The following HIVEP3 variants were observed in gnomAD, a reference collection of about 807,000 sequenced individuals.
HIVEP3 encodes the protein transcription factor HIVEP3.
A neutral mutation model predicts 152.8 loss-of-function variants in HIVEP3; 49 were observed. The observed-to-expected ratio is 0.32, with a 90% CI of 0.26 to 0.41. The LOEUF is 0.41. Among genes scored for constraint, HIVEP3 ranks in the 10% least tolerant of loss-of-function variants. The pLI is 1.00. For missense variants in HIVEP3, 2,790 were observed against 3,103.3 expected, an observed-to-expected ratio of 0.90 and a Z score of 2.40; for synonymous variants, 1,269 against 1,289.0, an observed-to-expected ratio of 0.98 and a Z score of 0.33.
intron 1 of HIVEP3, among the ~76,000 whole-genome samples, chr1:41,997,789 G>T (rs57835498): frequency 6.6e-6 from 1 of 152,174 alleles, no homozygotes; most frequent in Non-Finnish European, 1.5e-5. Flanking sequence ...TTCCCATGCT[G>T]TTTGAATTGA....
chr1:41,813,465 C>T lies in HIVEP3; in HGVS notation c.-801+104948G>A, dbSNP rs12127064. 7.3e-3 allele frequency among the ~76,000 whole-genome samples: 1,106 copies of T among 152,352 alleles called. 9 individuals are homozygous for T. Among genetic ancestry groups the T allele is most frequent in the Non-Finnish European group, 0.011 (729 of 68,030 alleles). ...CACACTGGCAAGACCTAGTGACACA[C>T]AGGGTGCCTGAGAGACTGTGCACCC... is the stretch of plus-strand genomic sequence containing the variant. On this transcript the variant is annotated intron_variant, in intron 1 of 8. Transcript: ENST00000372583.
intron 5 of HIVEP3, among the ~76,000 whole-genome samples, chr1:41,525,297 A>AT (rs11383677): frequency 0.46 from 69,234 of 151,926 alleles, 16,448 homozygotes; most frequent in African/African-American, 0.51. Context: ...GATGATAATA[A>AT]AACAGCAGCA....
rs192563882 is a variant in HIVEP3, at chr1:41,691,372, T to G, written c.-721+9544A>C. ...CCCCTTAAATCCTGACTCAGATAAC[T>G]ACTGACATGACCATCTGCTATGGCC... On this transcript the variant is annotated intron_variant, in intron 2 of 8. Coordinates refer to ENST00000372583, the MANE Select transcript of HIVEP3 (RefSeq NM_024503.5). 2.2e-4 allele frequency among the ~76,000 whole-genome samples: 33 copies of G among 152,332 alleles called. No homozygotes were observed. The East Asian group carries it at 6.4e-3, about 29-fold the overall frequency.
chr1:41,893,931 G>A (rs144017128), intron 1 of HIVEP3, among the ~76,000 whole-genome samples: 1 of 147,080 alleles, frequency 6.8e-6, no homozygotes, highest in East Asian at 2.0e-4. Flanking sequence ...TATATAAATT[G>A]TCTTTCTGAG....
intron 1 of HIVEP3, among the ~76,000 whole-genome samples, chr1:41,977,961 G>A (rs1290748336): frequency 6.6e-6 from 1 of 152,190 alleles, no homozygotes; most frequent in Non-Finnish European, 1.5e-5. Context: ...TTCATGTCAA[G>A]TAAAAAAGAA....
rs116344676 is a variant in HIVEP3, at chr1:41,931,721, C to T, written n.120-13197G>A. Among the ~76,000 whole-genome samples, 394 of 152,002 alleles carry T rather than the reference C, an allele frequency of 2.6e-3. 1 individual carries two copies. Among genetic ancestry groups the T allele is most frequent in the African/African-American group, 8.4e-3 (350 of 41,518 alleles). On this transcript the variant is annotated intron_variant and non_coding_transcript_variant, in intron 1 of 3. Transcript: ENST00000489103. ...TTTATATCTAAGAATTTGTGGGTTT[C>T]GGTGCTACTGAAAAGGCTATTGCTC...
At chr1:41,731,300 C>G (rs1646835630) in intron 1 of HIVEP3, among the ~76,000 whole-genome samples, 1 of 152,086 alleles carries the variant, frequency 6.6e-6, no homozygotes, top group African/African-American at 2.4e-5. Context: ...CACAGCCTAC[C>G]CCAGTGGCAG....
chr1:41,744,741 A>G (rs2124212064), intron 1 of HIVEP3, among the ~76,000 whole-genome samples: 1 of 152,264 alleles, frequency 6.6e-6, no homozygotes, highest in Non-Finnish European at 1.5e-5. Context: ...TGGAACTTAC[A>G]TTCCAACACA....
At chr1:41,564,893 G>A (rs762140496) in intron 5 of HIVEP3, among the ~76,000 whole-genome samples, 3 of 152,162 alleles carry the variant, frequency 2.0e-5, no homozygotes, top group Non-Finnish European at 4.4e-5. Context: ...AGTGGGTGGA[G>A]GGAGCTCGCT....
At chr1:41,947,131 C>G (rs11806345) in intron 1 of HIVEP3, among the ~76,000 whole-genome samples, 9,063 of 152,230 alleles carry the variant, frequency 0.06, 939 homozygotes, top group African/African-American at 0.21. Context: ...ATTGTTTTAC[C>G]CCAAGGGTTC....
At chr1:41,632,298 G>A (rs1265072810) in intron 2 of HIVEP3, among the ~76,000 whole-genome samples, 1 of 152,176 alleles carries the variant, frequency 6.6e-6, no homozygotes, top group African/African-American at 2.4e-5. Flanking sequence ...GTAGAGCCGG[G>A]TTGTAGGTGC....
chr1:41,905,775 A>G (rs1644699478), intron 1 of HIVEP3, among the ~76,000 whole-genome samples: 1 of 152,202 alleles, frequency 6.6e-6, no homozygotes, highest in African/African-American at 2.4e-5. Flanking sequence ...AGGGACTAGC[A>G]CAGGTGGTGG....
intron 1 of HIVEP3, among the ~76,000 whole-genome samples, chr1:41,791,408 G>C: frequency 6.6e-6 from 1 of 152,202 alleles, no homozygotes; most frequent in African/African-American, 2.4e-5. Context: ...TAAGATGTAA[G>C]TGAAAATCAC....
intron 1 of HIVEP3, among the ~76,000 whole-genome samples, chr1:41,937,090 G>A (rs1385466948): frequency 1.3e-5 from 2 of 152,120 alleles, no homozygotes; most frequent in African/African-American, 2.4e-5. Context: ...TATAATACCT[G>A]GAATCATTCT....
intron 1 of HIVEP3, among the ~76,000 whole-genome samples, chr1:41,902,213 G>C (rs1644637129): frequency 6.6e-6 from 1 of 152,110 alleles, no homozygotes. Context: ...GCATTTTCTG[G>C]TCTGAAAGAC....
chr1:41,956,604 T>C (rs557245611), intron 1 of HIVEP3, among the ~76,000 whole-genome samples: 1 of 152,344 alleles, frequency 6.6e-6, no homozygotes, highest in East Asian at 1.9e-4. Flanking sequence ...ATGCTTGTGT[T>C]GATGCTTGAA....
At chr1:41,693,388 T>C (rs1024450823) in intron 2 of HIVEP3, among the ~76,000 whole-genome samples, 6 of 152,226 alleles carry the variant, frequency 3.9e-5, no homozygotes, top group Admixed American at 2.0e-4. Context: ...GACACTTTGA[T>C]TGTTTAATGT....
intron 1 of HIVEP3, among the ~76,000 whole-genome samples, chr1:41,979,446 C>G (rs1237645412): frequency 6.6e-6 from 1 of 152,224 alleles, no homozygotes; most frequent in Non-Finnish European, 1.5e-5. Flanking sequence ...CACTTGTCCA[C>G]AAGCTCTCAG....
Position 41,518,458 on chromosome 1 carries a change from GC to G in HIVEP3, c.5413del (p.Ala1805ProfsTer120). ...GNLTKHMKSK[A>X]HSKKCQETGV... ...TGTCTCTTGGCACTTTTTGCTGTGG[GC>G]CTTCGACTTCATGTGCTTAGTCAGA... is the stretch of plus-strand genomic sequence containing the variant. On this transcript the variant is annotated frameshift_variant, in exon 7 of 9. Coordinates refer to ENST00000372583, the MANE Select transcript of HIVEP3 (RefSeq NM_024503.5). LOFTEE classifies it high-confidence loss of function. The G allele has an allele frequency of 1.2e-6, 2 of 1,614,196 alleles. No homozygotes were observed. The highest frequency in any genetic ancestry group is 1.7e-6 in the Non-Finnish European group (2 of 1,180,022).
Sources: gnomAD v4.1 joint callset for allele counts (sites outside exome capture counted in the v4.1 genomes callset) on GRCh38, gnomAD v4.1.1 for gene constraint, MANE v1.5 for transcripts, NCBI Gene and HGNC (gene_info 2026-07-23, HGNC 2026-07-21) for gene names.